The following MAJIN variants were observed in gnomAD, a reference collection of about 807,000 sequenced individuals.
MAJIN encodes membrane anchored junction protein.
In MAJIN, 27 loss-of-function variants were observed where a neutral mutation model predicts 30.2. The ratio of observed to expected loss-of-function variants is 0.89; its 90% confidence interval spans 0.66 to 1.23. The LOEUF (loss-of-function observed/expected upper bound fraction) is 1.23, where lower values mean the gene tolerates loss of function less well. Ranked by LOEUF, MAJIN falls within the 50% of genes most tolerant of loss-of-function variation. The pLI is 0.00. For synonymous variants in MAJIN, 78 were observed against 91.6 expected (o/e 0.85, Z 0.85); for missense variants, 253 against 260.3 (o/e 0.97, Z 0.19).
At chr11:64,963,277 C>T (rs1945755881) in intron 1 of MAJIN, among the ~76,000 whole-genome samples, 1 of 152,108 alleles carries the variant, frequency 6.6e-6, no homozygotes, top group Admixed American at 6.6e-5. Context: ...TGAAAATACC[C>T]AAGAATTAGA....
chr11:64,958,065 C>T (rs1161888280), intron 3 of MAJIN, among the ~76,000 whole-genome samples: 1 of 151,890 alleles, frequency 6.6e-6, no homozygotes, highest in African/African-American at 2.4e-5. Context: ...CCTCAGCCTC[C>T]TGGTTAGCTG....
chr11:64,953,894 CTAATG>C (rs1426874396), intron 4 of MAJIN: 1 of 152,298 alleles, frequency 6.6e-6, no homozygotes, highest in African/African-American at 2.4e-5. Context: ...CTGCAAGATC[CTAATG>C]TATCTTTTAA....
At chr11:64,938,976 C>T (rs1377110514) in intron 10 of MAJIN, among the ~76,000 whole-genome samples, 1 of 152,218 alleles carries the variant, frequency 6.6e-6, no homozygotes, top group Non-Finnish European at 1.5e-5. Context: ...GTTGTCCAGG[C>T]TGGAGTGCAA....
At chr11:64,947,730 T>C in intron 7 of MAJIN, 58 bp downstream of exon 7, 1 of 1,562,962 alleles carries the variant, frequency 6.4e-7, no homozygotes, top group South Asian at 1.1e-5. Context: ...GCAGGACTTT[T>C]TGGAAAAAAG....
intron 1 of MAJIN, among the ~76,000 whole-genome samples, chr11:64,971,004 GT>G (rs1945892358): frequency 6.6e-6 from 1 of 152,216 alleles, no homozygotes; most frequent in Non-Finnish European, 1.5e-5. Context: ...TGGTAAGAAG[GT>G]GGGGTGTGGC....
At chr11:64,967,737 C>A (rs1207302872) in intron 1 of MAJIN, among the ~76,000 whole-genome samples, 3 of 152,124 alleles carry the variant, frequency 2.0e-5, no homozygotes, top group Non-Finnish European at 1.5e-5. Context: ...ATCTGAGACC[C>A]TACAGTGTAT....
intron 6 of MAJIN, among the ~76,000 whole-genome samples, chr11:64,948,228 C>T (rs1446085581): frequency 6.6e-6 from 1 of 151,976 alleles, no homozygotes; most frequent in East Asian, 1.9e-4. Flanking sequence ...GCCCTTCTCC[C>T]TTCTACCTGG....
rs1342907529 is a variant in MAJIN at position 64,938,593 on chromosome 11, G to A, written c.*2-20C>T. On this transcript the variant is annotated intron_variant, in intron 10 of 10. Coordinates refer to ENST00000301896, the MANE Select transcript of MAJIN (RefSeq NM_001037225.3). ...AGAGAGCTGCAAGAATGAGAACAGA[G>A]TAGGCTGAGACTCTATGAGGTCTCC... 1.3e-6 allele frequency: 2 copies of A among 1,534,944 alleles called. No homozygotes were observed. Among genetic ancestry groups the A allele is most frequent in the Non-Finnish European group, 1.7e-6 (2 of 1,145,956 alleles).
chr11:64,949,171 A>AAT (rs1404761061), intron 6 of MAJIN, among the ~76,000 whole-genome samples: 1 of 151,166 alleles, frequency 6.6e-6, no homozygotes, highest in African/African-American at 2.4e-5. Context: ...TAAAAAAAAA[A>AAT]AAAAAAAAAT....
chr11:64,945,259 G>A (rs1245265260), intron 8 of MAJIN, among the ~76,000 whole-genome samples: 3 of 152,112 alleles, frequency 2.0e-5, no homozygotes, highest in Non-Finnish European at 4.4e-5. Context: ...TCGGGAGGCT[G>A]AGGCAGGAGA....
At chr11:64,965,688 G>A (rs1945795216) in intron 1 of MAJIN, among the ~76,000 whole-genome samples, 1 of 152,188 alleles carries the variant, frequency 6.6e-6, no homozygotes, top group African/African-American at 2.4e-5. Flanking sequence ...TGGGCACAGT[G>A]GCTCATGCCT....
intron 1 of MAJIN, among the ~76,000 whole-genome samples, chr11:64,965,669 T>A (rs552435062): frequency 6.6e-6 from 1 of 152,112 alleles, no homozygotes; most frequent in Admixed American, 6.6e-5. Context: ...AGAATTCACA[T>A]CATGCGGCTG....
At chr11:64,950,071 T>C (rs1945526130) in intron 5 of MAJIN, among the ~76,000 whole-genome samples, 1 of 152,176 alleles carries the variant, frequency 6.6e-6, no homozygotes, top group Non-Finnish European at 1.5e-5. Context: ...GGCTCATGGC[T>C]GTAATCCCAG....
chr11:64,947,724 G>A (rs1048004016), intron 7 of MAJIN, 64 bp downstream of exon 7: 3 of 1,531,944 alleles, frequency 2.0e-6, no homozygotes, highest in Non-Finnish European at 2.7e-6. Context: ...GCAAGAGCAG[G>A]ACTTTTTGGA....
intron 1 of MAJIN, among the ~76,000 whole-genome samples, chr11:64,963,933 T>C (rs1188281105): frequency 6.6e-6 from 1 of 152,116 alleles, no homozygotes; most frequent in East Asian, 1.9e-4. Context: ...TGAGGACAGA[T>C]GACTAGCTGC....
Position 64,967,186 on chromosome 11 carries a change from T to C in MAJIN, c.-65+4691A>G, listed in dbSNP as rs371040484. Reference sequence around the variant, plus strand: ...ACTTTGGGAGGCTGAGTCGGGCAGATCACTTGAGGTCAGGAGTTCGAGACG... The same window carrying C: ...ACTTTGGGAGGCTGAGTCGGGCAGACCACTTGAGGTCAGGAGTTCGAGACG... On this transcript the variant is annotated intron_variant, in intron 1 of 10. Coordinates refer to ENST00000301896, the MANE Select transcript of MAJIN (RefSeq NM_001037225.3). Among the ~76,000 whole-genome samples, 3 of 152,064 alleles carry C rather than the reference T, an allele frequency of 2.0e-5. No individual in the cohort carries two copies. The East Asian group carries it at 5.8e-4, about 29-fold the overall frequency.
intron 3 of MAJIN, among the ~76,000 whole-genome samples, chr11:64,957,721 G>A (rs920490915): frequency 2.0e-5 from 3 of 151,798 alleles, no homozygotes; most frequent in African/African-American, 7.3e-5. Flanking sequence ...TCATGAAAAG[G>A]TGAGATGCTG....
intron 8 of MAJIN, among the ~76,000 whole-genome samples, chr11:64,943,521 C>A (rs913872474): frequency 6.6e-6 from 1 of 152,228 alleles, no homozygotes; most frequent in Admixed American, 6.5e-5. Context: ...ACCATAGGAG[C>A]AAATTCAATT....
At chr11:64,965,461 ACTTAAGTTACT>A (rs111319300) in intron 1 of MAJIN, among the ~76,000 whole-genome samples, 6,941 of 152,218 alleles carry the variant, frequency 0.046, 182 homozygotes, top group Middle Eastern at 0.065. Flanking sequence ...TACTCTTTGC[ACTTAAGTTACT>A]CTTAAGTTAC....
Sources: gnomAD v4.1 joint callset for allele counts (sites outside exome capture counted in the v4.1 genomes callset) on GRCh38, gnomAD v4.1.1 for gene constraint, MANE v1.5 for transcripts, NCBI Gene and HGNC (gene_info 2026-07-23, HGNC 2026-07-21) for gene names.